PAK3: variants seen among roughly 807,000 people sequenced by gnomAD.
The protein encoded by PAK3 is p21 (RAC1) activated kinase 3, also known as serine/threonine-protein kinase PAK 3.
Under a neutral mutation model 41.0 loss-of-function variants are expected in PAK3, and 4 were observed. The observed-to-expected ratio is 0.10, with a 90% CI of 0.05 to 0.22. The LOEUF is 0.22. Among genes scored for constraint, PAK3 ranks in the 10% least tolerant of loss-of-function variants. PAK3 has a pLI of 1.00. For synonymous variants in PAK3, 146 were observed against 139.6 expected, an observed-to-expected ratio of 1.05 and a Z score of -0.32; for missense variants, 205 against 409.9, an observed-to-expected ratio of 0.50 and a Z score of 4.32.
chrX:110,951,010 TCTC>T (rs2090733963), intron 1 of PAK3, among the ~76,000 whole-genome samples: 1 of 111,988 alleles, frequency 8.9e-6, no homozygotes, highest in Non-Finnish European at 1.9e-5. Flanking sequence ...TGAAAAAAAA[TCTC>T]CTTTCTCTTT....
At chrX:111,116,374 A>C (rs1346116814) in intron 4 of PAK3, among the ~76,000 whole-genome samples, 1 of 111,724 alleles carries the variant, frequency 9.0e-6, no homozygotes, top group Non-Finnish European at 1.9e-5. Flanking sequence ...CAAAAAGCTG[A>C]AACCTGTAAT....
At chrX:111,151,593 T>C (rs2094027219) in intron 7 of PAK3, among the ~76,000 whole-genome samples, 1 of 112,016 alleles carries the variant, frequency 8.9e-6, no homozygotes, top group African/African-American at 3.2e-5. Flanking sequence ...ATGTGGAATA[T>C]ATTCTAAGAT....
intron 4 of PAK3, among the ~76,000 whole-genome samples, chrX:111,119,774 G>T (rs1306465104): frequency 8.9e-6 from 1 of 111,990 alleles, no homozygotes; most frequent in Non-Finnish European, 1.9e-5. Context: ...CTTCCCACTT[G>T]GGAAACAAAT....
chrX:111,141,210 C>A (rs141661220), intron 5 of PAK3, among the ~76,000 whole-genome samples: 184 of 111,656 alleles, frequency 1.6e-3, no homozygotes, highest in African/African-American at 5.8e-3. Context: ...GGAACTATTT[C>A]CAGATAGACT....
chrX:111,037,090 T>A (rs911117957), intron 1 of PAK3, among the ~76,000 whole-genome samples: 1 of 110,930 alleles, frequency 9.0e-6, no homozygotes, highest in Admixed American at 9.6e-5. Context: ...GATTACAGGC[T>A]TGCACCACCA....
intron 8 of PAK3, among the ~76,000 whole-genome samples, chrX:111,157,774 C>T (rs1180057499): frequency 9.8e-6 from 1 of 102,228 alleles, no homozygotes; most frequent in African/African-American, 3.6e-5. Flanking sequence ...GCAACAATGG[C>T]GAAACTCCAT....
chrX:111,182,233 C>T (rs993939325), intron 11 of PAK3, among the ~76,000 whole-genome samples: 7 of 110,566 alleles, frequency 6.3e-5, no homozygotes, highest in African/African-American at 2.0e-4. Context: ...AGTGAGTAGC[C>T]GAGAGTTATC....
At position 110,945,936 on chromosome X, in the gene PAK3, A is replaced by G. The variant is rs6642839; in HGVS notation, c.-28+1308A>G. Among the ~76,000 whole-genome samples, 161 of 112,087 alleles carry G rather than the reference A, an allele frequency of 1.4e-3. No homozygotes were observed. In the East Asian group the frequency reaches 0.037, roughly 26 times the overall value. On this transcript the variant is annotated intron_variant, in intron 1 of 14. Transcript: ENST00000425146. ...ATCAAACAGCAGACATTTTTTGCAT[A>G]CCTGCTATGTGTTATTAATGTTAAG...
At chrX:110,995,584 G>C (rs1198365983) in intron 1 of PAK3, among the ~76,000 whole-genome samples, 1 of 111,155 alleles carries the variant, frequency 9.0e-6, no homozygotes, top group African/African-American at 3.3e-5. Context: ...TTTCGCTCAT[G>C]CCTCTACACA....
upstream of PAK3, among the ~76,000 whole-genome samples, chrX:111,093,153 C>T (rs1409418530): frequency 1.8e-5 from 2 of 111,845 alleles, no homozygotes; most frequent in Non-Finnish European, 3.8e-5. Context: ...CTCAAGTGGC[C>T]ATATAGGGTG....
chrX:111,220,889 G>GA lies in PAK3; in HGVS notation c.*452dup, dbSNP rs1057515732. 35 of 26,624 alleles carry GA rather than the reference G, an allele frequency of 1.3e-3. No individual in the cohort carries two copies. Among genetic ancestry groups the GA allele is most frequent in the Middle Eastern group, 0.026 (1 of 38 alleles). The allele number at this position is 26,624 out of a possible 1,213,427, so 2.2% of individuals were successfully genotyped here. On this transcript the variant is annotated 3_prime_UTR_variant, in exon 18 of 18. Coordinates refer to ENST00000372007, the MANE Select transcript of PAK3 (RefSeq NM_002578.5). Reference sequence around the variant, plus strand: ...CACTTGCATTGTCATTAGATGTCCAGAAAAAAAAAAGATGTCAAAATGTTT... The same window carrying GA: ...CACTTGCATTGTCATTAGATGTCCAGAAAAAAAAAAAGATGTCAAAATGTTT...
At chrX:111,033,711 G>A (rs1474562494) in intron 1 of PAK3, among the ~76,000 whole-genome samples, 1 of 110,983 alleles carries the variant, frequency 9.0e-6, no homozygotes, top group Non-Finnish European at 1.9e-5. Context: ...ATTCCTATTT[G>A]ACTAATTGCT....
chrX:110,986,040 C>A (rs750584111), intron 1 of PAK3, among the ~76,000 whole-genome samples: 1 of 111,739 alleles, frequency 8.9e-6, no homozygotes, highest in East Asian at 2.8e-4. Flanking sequence ...GAGTGTAGGT[C>A]TAGTTAGTGT....
chrX:111,186,093 C>T (rs989851228), intron 11 of PAK3, among the ~76,000 whole-genome samples: 1 of 111,305 alleles, frequency 9.0e-6, no homozygotes, highest in Admixed American at 9.6e-5. Context: ...ATTCAACACC[C>T]CTTCATCCTA....
At chrX:110,991,621 A>G (rs1471118444) in intron 1 of PAK3, among the ~76,000 whole-genome samples, 2 of 112,578 alleles carry the variant, frequency 1.8e-5, no homozygotes, top group African/African-American at 6.5e-5. Context: ...TATTATGGCC[A>G]GTTGACCATT....
intron 1 of PAK3, among the ~76,000 whole-genome samples, chrX:111,010,591 A>C: frequency 9.0e-6 from 1 of 110,923 alleles, no homozygotes; most frequent in Middle Eastern, 4.6e-3. Flanking sequence ...GAGTTCACAT[A>C]AGATCTGGTT....
chrX:111,053,877 A>G (rs2092581994), intron 1 of PAK3, among the ~76,000 whole-genome samples: 1 of 112,278 alleles, frequency 8.9e-6, no homozygotes, highest in Admixed American at 9.4e-5. Context: ...GAGAAGCTAT[A>G]TCCTAATTGT....
chrX:111,031,038 A>T (rs754779797), intron 1 of PAK3, among the ~76,000 whole-genome samples: 64 of 112,171 alleles, frequency 5.7e-4, no homozygotes, highest in African/African-American at 2.1e-3. Context: ...GATGTGGTCA[A>T]AGCCAGTTGT....
At position 111,065,890 on chromosome X, in the gene PAK3, G is replaced by A. The variant is rs1210379838; in HGVS notation, c.-27-57187G>A. Among the ~76,000 whole-genome samples, 10 of 111,013 alleles carry A rather than the reference G, an allele frequency of 9.0e-5. No homozygotes were observed. In the South Asian group the frequency reaches 1.1e-3, roughly 13 times the overall value. On this transcript the variant is annotated intron_variant, in intron 1 of 14. Transcript: ENST00000425146. ...CTCTGAGGATCTTTTGTATTTCTGCGGGATCAGTTGTAATGTCATCTTTGT... is the reference window on the plus strand; with the variant it reads ...CTCTGAGGATCTTTTGTATTTCTGCAGGATCAGTTGTAATGTCATCTTTGT...
Sources: gnomAD v4.1 joint callset for allele counts (sites outside exome capture counted in the v4.1 genomes callset) on GRCh38, gnomAD v4.1.1 for gene constraint, MANE v1.5 for transcripts, NCBI Gene and HGNC (gene_info 2026-07-23, HGNC 2026-07-21) for gene names.